The following MAST4 variants were observed in gnomAD, a reference collection of about 807,000 sequenced individuals.
MAST4 encodes microtubule-associated serine/threonine-protein kinase 4.
MAST4 carries 89 observed loss-of-function variants against 162.7 expected under a neutral mutation model. That is an observed-to-expected ratio of 0.55 (90% CI 0.46 to 0.65). The LOEUF (loss-of-function observed/expected upper bound fraction) is 0.65. Ranked by LOEUF, MAST4 falls within the 30% of genes least tolerant of loss-of-function variation. MAST4 has a pLI of 0.00. For synonymous variants in MAST4, 1,479 were observed against 1,361.1 expected (o/e 1.09, Z -1.91); for missense variants, 3,153 against 3,374.0 (o/e 0.93, Z 1.62).
At chr5:66,603,213 A>G (rs534473896) in intron 1 of MAST4, among the ~76,000 whole-genome samples, 79 of 152,322 alleles carry the variant, frequency 5.2e-4, no homozygotes, top group African/African-American at 1.7e-3. Flanking sequence ...TTTCATGGGC[A>G]GAGCATTCAT....
Position 67,166,415 on chromosome 5 carries a change from G to C in MAST4, c.7236G>C (p.Lys2412Asn). The C allele has an allele frequency of 6.2e-7, 1 of 1,608,482 alleles. No individual in the cohort carries two copies. Residue 2412 changes from lysine to asparagine, a missense_variant, in exon 29 of 29, where the codon AAG becomes AAC. Coordinates refer to ENST00000403625, the MANE Select transcript of MAST4 (RefSeq NM_001164664.2). ...GAERPAAGVG[K>N]GFPEARGKGP... is the part of the protein sequence containing the mutation. The stretch of plus-strand genomic sequence containing the variant: ...AGCGGCCAGCCGCGGGGGTGGGGAA[G>C]GGCTTCCCTGAGGCCAGAGGGAAAG...
chr5:66,919,900 CCT>C (rs1764384976), intron 4 of MAST4, among the ~76,000 whole-genome samples: 2 of 2,546 alleles, frequency 7.9e-4, no homozygotes, highest in African/African-American at 1.0e-3. Flanking sequence ...TTTTCTCTCT[CCT>C]TCCTTCCTTC....
chr5:67,115,520 T>G (rs929954464), intron 12 of MAST4, among the ~76,000 whole-genome samples: 2 of 152,258 alleles, frequency 1.3e-5, no homozygotes, highest in Admixed American at 6.5e-5. Context: ...TATACTGTAC[T>G]GAAAGCAGTT....
At position 67,164,286 on chromosome 5, in the gene MAST4, T is replaced by C; in HGVS notation, c.5107T>C (p.Cys1703Arg). 1 of 1,614,046 alleles carries C rather than the reference T, an allele frequency of 6.2e-7. No homozygotes were observed. The highest frequency in any genetic ancestry group is 1.1e-5 in the South Asian group (1 of 91,074). Reference protein sequence around the residue: ...MSLEDKEDNLCPVLKPKMTAG... With the variant: ...MSLEDKEDNLRPVLKPKMTAG... Reference sequence around the variant, plus strand: ...ACTTGAGGACAAAGAGGACAACCTCTGCCCTGTGCTGAAGCCCAAGATGAC... The same window carrying C: ...ACTTGAGGACAAAGAGGACAACCTCCGCCCTGTGCTGAAGCCCAAGATGAC... The change falls in exon 29 of 29, where the codon TGC (cysteine) becomes CGC (arginine). Residue 1703 changes from cysteine (C) to arginine (R), a missense_variant. Physicochemically the swap from Cys to Arg is radical, Grantham distance 180. Around this residue, in one of 7 missense-constraint regions of MAST4, gnomAD observed 1,644 missense variants for 1,495.0 expected, o/e 1.10. Transcript: ENST00000403625. The surrounding 1 kb of genome is among the most constrained non-coding windows in gnomAD (Gnocchi z 5.3).
At chr5:66,934,209 G>C (rs1355072328) in intron 4 of MAST4, among the ~76,000 whole-genome samples, 2 of 135,824 alleles carry the variant, frequency 1.5e-5, no homozygotes, top group Non-Finnish European at 3.3e-5. Flanking sequence ...TCTGGCAGAG[G>C]CTTCCTTTAT....
chr5:66,753,470 T>A (rs1753319825), intron 1 of MAST4, among the ~76,000 whole-genome samples: 1 of 151,294 alleles, frequency 6.6e-6, no homozygotes, highest in Non-Finnish European at 1.5e-5. Flanking sequence ...AAAGGGGATA[T>A]CACCACCGAT....
intron 3 of MAST4, among the ~76,000 whole-genome samples, chr5:66,842,996 T>G (rs988623211): frequency 6.6e-6 from 1 of 152,194 alleles, no homozygotes; most frequent in Non-Finnish European, 1.5e-5. Flanking sequence ...CAAAATAATT[T>G]GAAATGCAGC....
intron 3 of MAST4, among the ~76,000 whole-genome samples, chr5:66,886,479 C>G (rs192211463): frequency 9.2e-5 from 14 of 151,970 alleles, no homozygotes; most frequent in African/African-American, 3.4e-4. Context: ...TTTGTTCTAA[C>G]GTCGATTCTC....
At chr5:67,047,652 T>A (rs1195710491) in intron 4 of MAST4, among the ~76,000 whole-genome samples, 1 of 152,174 alleles carries the variant, frequency 6.6e-6, no homozygotes, top group Non-Finnish European at 1.5e-5. Flanking sequence ...GAGCAGAGAT[T>A]TTTGTTTGTT....
intron 2 of MAST4, among the ~76,000 whole-genome samples, chr5:66,776,196 T>C (rs535126480): frequency 4.1e-4 from 62 of 152,340 alleles, no homozygotes; most frequent in African/African-American, 1.3e-3. Flanking sequence ...TTGTTCTTTT[T>C]GTTTCTCTTG....
chr5:67,139,712 CTA>C (rs1302321153), intron 19 of MAST4, among the ~76,000 whole-genome samples: 3 of 152,196 alleles, frequency 2.0e-5, no homozygotes, highest in African/African-American at 7.2e-5. Context: ...ACAATGAGAA[CTA>C]TCATTTGCAT....
chr5:67,134,691 A>C lies in MAST4; in HGVS notation c.2392+3A>C, dbSNP rs1246724088. On this transcript the variant is annotated splice_donor_region_variant and intron_variant, in intron 18 of 28. Coordinates refer to ENST00000403625, the MANE Select transcript of MAST4 (RefSeq NM_001164664.2). ...GCTATTTGGACAAGTCATCAGTGGT[A>C]AATATCATCAGGAGTTATCTTTAGG... 3.1e-6 allele frequency: 5 copies of C among 1,609,938 alleles called. No individual in the cohort carries two copies. The highest frequency in any genetic ancestry group is 4.2e-6 in the Non-Finnish European group (5 of 1,177,232).
rs200030700 is a variant in MAST4 at position 66,624,146 on chromosome 5, G to GTTTTTTTT, written c.363+27144_363+27151dup. Among the ~76,000 whole-genome samples the GTTTTTTTT allele has an allele frequency of 9.1e-3, 823 of 90,082 alleles. 97 individuals carry two copies. The highest frequency in any genetic ancestry group is 0.012 in the Non-Finnish European group (611 of 50,004). The allele number at this position is 90,082 out of a possible 152,430, so 59.1% of individuals were successfully genotyped here. On this transcript the variant is annotated intron_variant, in intron 1 of 28. Coordinates refer to ENST00000403625, the MANE Select transcript of MAST4 (RefSeq NM_001164664.2). The stretch of plus-strand genomic sequence containing the variant: ...TTGGAAGAATTAATATTGTTAAAAT[G>GTTTTTTTT]TTTTTTTTTTTTTTTTTTTTTTTGA...
chr5:67,112,711 A>T (rs898103036), intron 11 of MAST4, among the ~76,000 whole-genome samples: 1 of 152,196 alleles, frequency 6.6e-6, no homozygotes, highest in Non-Finnish European at 1.5e-5. Flanking sequence ...AGGAAACTCC[A>T]CACGTTCAGC....
rs752935539 is a variant in MAST4, at chr5:67,163,787, G to A, written c.4608G>A (p.Val1536=). 4 of 1,611,904 alleles carry A rather than the reference G, an allele frequency of 2.5e-6. No homozygotes were observed. Among genetic ancestry groups the A allele is most frequent in the Non-Finnish European group, 3.4e-6 (4 of 1,178,962 alleles). The change falls in exon 29 of 29, where the codon GTG becomes GTA. Residue 1536 remains valine, a synonymous_variant. Coordinates refer to ENST00000403625, the MANE Select transcript of MAST4 (RefSeq NM_001164664.2). This position sits in a 1 kb window ranked among gnomAD's most constrained non-coding sequence, Gnocchi z 7.0. ...ACCGCGACAAGCTGAAGGCCAAGGTGGTGGTGAAGAAAGCAGACGGCTTCC... is the reference window on the plus strand; with the variant it reads ...ACCGCGACAAGCTGAAGGCCAAGGTAGTGGTGAAGAAAGCAGACGGCTTCC... ...DLDRDKLKAK[V]VVKKADGFPE...
intron 3 of MAST4, among the ~76,000 whole-genome samples, chr5:66,873,369 A>G (rs1438334798): frequency 6.6e-6 from 1 of 152,210 alleles, no homozygotes; most frequent in African/African-American, 2.4e-5. Flanking sequence ...CACTTTGCTT[A>G]GATTCTGCAC....
At chr5:67,019,839 G>A (rs1753759625) in intron 4 of MAST4, among the ~76,000 whole-genome samples, 1 of 152,106 alleles carries the variant, frequency 6.6e-6, no homozygotes, top group Non-Finnish European at 1.5e-5. Flanking sequence ...TCTGATTCAT[G>A]GAGGTATAAT....
chr5:66,784,428 A>G (rs1755017869), intron 2 of MAST4, among the ~76,000 whole-genome samples: 1 of 152,178 alleles, frequency 6.6e-6, no homozygotes, highest in Admixed American at 6.5e-5. Context: ...TAAATTTGTT[A>G]AAGCCACAAG....
At position 66,657,243 on chromosome 5, in the gene MAST4, C is replaced by CG. The variant is rs553955350; in HGVS notation, c.363+60225_363+60226insG. 1.6e-3 allele frequency among the ~76,000 whole-genome samples: 247 copies of CG among 152,260 alleles called. 3 individuals are homozygous for CG. Among genetic ancestry groups the CG allele is most frequent in the African/African-American group, 5.8e-3 (241 of 41,546 alleles). ...GGGTATTTGGATGTCCAGCCTAAAT[C>CG]AATAGCCTATCTAGTTTACTGAGAG... is the stretch of plus-strand genomic sequence containing the variant. On this transcript the variant is annotated intron_variant, in intron 1 of 28. Transcript: ENST00000403625.
Sources: gnomAD v4.1 joint callset for allele counts (sites outside exome capture counted in the v4.1 genomes callset) on GRCh38, gnomAD v4.1.1 for gene constraint, gnomAD v4.1.1 regional missense constraint, Gnocchi (gnomAD v3.1) non-coding constraint, MANE v1.5 for transcripts, NCBI Gene and HGNC (gene_info 2026-07-23, HGNC 2026-07-21) for gene names.